The following BCAS3 variants were observed in gnomAD, a reference collection of about 807,000 sequenced individuals.
The protein encoded by BCAS3 is BCAS4/BCAS3 fusion.
BCAS3 carries 53 observed loss-of-function variants against 116.1 expected under a neutral mutation model. That is an observed-to-expected ratio of 0.46 (90% confidence interval 0.37 to 0.57). The LOEUF is 0.57. BCAS3 is among the 20% of genes least tolerant of loss of function. BCAS3 has a pLI of 0.00. For synonymous variants in BCAS3, 391 were observed against 408.2 expected, an observed-to-expected ratio of 0.96 and a Z score of 0.51; for missense variants, 917 against 1,165.4, an observed-to-expected ratio of 0.79 and a Z score of 3.10.
At chr17:61,269,737 G>T (rs1195080594) in intron 22 of BCAS3, among the ~76,000 whole-genome samples, 1 of 151,048 alleles carries the variant, frequency 6.6e-6, no homozygotes, top group Non-Finnish European at 1.5e-5. Flanking sequence ...CATACAACTT[G>T]TTGGCCATTT....
At chr17:60,779,944 A>G (rs375358464) in intron 6 of BCAS3, among the ~76,000 whole-genome samples, 18 of 152,198 alleles carry the variant, frequency 1.2e-4, no homozygotes, top group East Asian at 7.7e-4. Context: ...GTCTATTGCA[A>G]TATTTTTGGG....
At chr17:60,816,864 G>A (rs999845163) in intron 7 of BCAS3, among the ~76,000 whole-genome samples, 11 of 152,144 alleles carry the variant, frequency 7.2e-5, no homozygotes, top group East Asian at 1.9e-4. Context: ...ATGCCGGTTC[G>A]TTTCAGCAGT....
Position 61,378,897 on chromosome 17 carries a change from C to G in BCAS3, c.2593+10403C>G, listed in dbSNP as rs953578436. ...TGTAATGGGAGTTTGGGCTGAGACTCTCCTCTGCATATTTCTTAGTTGTCT... is the reference window on the plus strand; with the variant it reads ...TGTAATGGGAGTTTGGGCTGAGACTGTCCTCTGCATATTTCTTAGTTGTCT... On this transcript the variant is annotated intron_variant, in intron 23 of 23. Transcript: ENST00000407086. This position sits in a 1 kb window ranked among gnomAD's most constrained non-coding sequence, Gnocchi z 5.8. 3 of 152,260 alleles carry G rather than the reference C, an allele frequency of 2.0e-5. No homozygotes were observed. Among genetic ancestry groups the G allele is most frequent in the African/African-American group, 7.2e-5 (3 of 41,464 alleles). 9.4% of individuals were successfully genotyped at this position (152,260 alleles called of 1,614,324 possible).
At position 61,326,429 on chromosome 17, in the gene BCAS3, G is replaced by A. The variant is rs566302462; in HGVS notation, c.2426-41898G>A. ...ACTTTAGTTTTATCCTAAATGAGAA[G>A]CATGTTTTCAGCAGAGGGTGAGTTT... On this transcript the variant is annotated intron_variant, in intron 22 of 23. Coordinates refer to ENST00000407086, the MANE Select transcript of BCAS3 (RefSeq NM_017679.5). This position sits in a 1 kb window ranked among gnomAD's most constrained non-coding sequence, Gnocchi z 5.3. Among the ~76,000 whole-genome samples, 43 of 152,228 alleles carry A rather than the reference G, an allele frequency of 2.8e-4. No homozygotes were observed. Among genetic ancestry groups the A allele is most frequent in the African/African-American group, 1.0e-3 (42 of 41,448 alleles).
chr17:61,072,267 G>A (rs1171637377), intron 19 of BCAS3, among the ~76,000 whole-genome samples: 1 of 152,176 alleles, frequency 6.6e-6, no homozygotes, highest in Non-Finnish European at 1.5e-5. Context: ...TAATAGTATA[G>A]TGAGCCTCCA....
intron 5 of BCAS3, among the ~76,000 whole-genome samples, chr17:60,743,510 TA>T (rs80002683): frequency 0.044 from 6,177 of 139,628 alleles, 294 homozygotes; most frequent in African/African-American, 0.12. Context: ...TAAAGTTTGC[TA>T]AAAAAAAAAA....
At position 60,911,123 on chromosome 17, in the gene BCAS3, C is replaced by CTTTT. The variant is rs1162942971; in HGVS notation, c.993+435_993+438dup. ...AATAAATTTTTTTCTTTTTTTCTTT[C>CTTTT]TTTTTTTTTTTTTTTTTGAGATGGA... is the stretch of plus-strand genomic sequence containing the variant. On this transcript the variant is annotated intron_variant, in intron 12 of 23. Coordinates refer to ENST00000407086, the MANE Select transcript of BCAS3 (RefSeq NM_017679.5). Among the ~76,000 whole-genome samples the CTTTT allele has an allele frequency of 4.2e-4, 37 of 88,250 alleles. 4 individuals are homozygous for CTTTT. Among genetic ancestry groups the CTTTT allele is most frequent in the African/African-American group, 1.5e-3 (34 of 22,192 alleles). 57.9% of individuals were successfully genotyped at this position (88,250 alleles called of 152,430 possible). A position where few individuals can be genotyped will look rare whatever the true frequency, so the allele number is the denominator to read the frequency against.
At chr17:60,888,822 C>T (rs1178920599) in intron 9 of BCAS3, among the ~76,000 whole-genome samples, 2 of 149,290 alleles carry the variant, frequency 1.3e-5, no homozygotes, top group Non-Finnish European at 3.0e-5. Flanking sequence ...TCTGTCTCTT[C>T]TCTATAAGTT....
intron 22 of BCAS3, among the ~76,000 whole-genome samples, chr17:61,311,748 G>A (rs894875953): frequency 1.3e-5 from 2 of 152,072 alleles, no homozygotes; most frequent in African/African-American, 4.8e-5. Context: ...CAAAAAATTA[G>A]CTGGGCATGG....
chr17:60,771,563 T>A lies in BCAS3; in HGVS notation c.403+24284T>A, dbSNP rs559346405. On this transcript the variant is annotated intron_variant, in intron 6 of 23. Transcript: ENST00000407086. ...ATTAGTGACGGGTATCTTTTTTTTT[T>A]AATTATACTTTAAATTCTAGGGTAT... Among the ~76,000 whole-genome samples the A allele has an allele frequency of 1.8e-4, 27 of 152,228 alleles. No individual in the cohort carries two copies. In the South Asian group the frequency reaches 4.6e-3, roughly 26 times the overall value.
intron 13 of BCAS3, among the ~76,000 whole-genome samples, chr17:60,943,123 A>G (rs1177860292): frequency 6.6e-6 from 1 of 152,184 alleles, no homozygotes; most frequent in Non-Finnish European, 1.5e-5. Flanking sequence ...TGAAATTAGC[A>G]TTTCATAAAA....
chr17:61,087,300 A>G lies in BCAS3; in HGVS notation c.2425+2736A>G, dbSNP rs2073166811. 5.7e-6 allele frequency: 4 copies of G among 704,886 alleles called. No homozygotes were observed. Among genetic ancestry groups the G allele is most frequent in the Non-Finnish European group, 7.0e-6 (4 of 574,146 alleles). 43.7% of individuals were successfully genotyped at this position (704,886 alleles called of 1,614,324 possible). A position where few individuals can be genotyped will look rare whatever the true frequency, so the allele number is the denominator to read the frequency against. Reference sequence around the variant, plus strand: ...CCTGTATTACCTTCAAGCATTTTATATGACTTCATGGATTATCTTCTTAAT... The same window carrying G: ...CCTGTATTACCTTCAAGCATTTTATGTGACTTCATGGATTATCTTCTTAAT... On this transcript the variant is annotated intron_variant, in intron 22 of 23. Coordinates refer to ENST00000407086, the MANE Select transcript of BCAS3 (RefSeq NM_017679.5). The surrounding 1 kb of genome is among the most constrained non-coding windows in gnomAD (Gnocchi z 4.6).
chr17:60,816,742 TG>T (rs1381819104), intron 7 of BCAS3, among the ~76,000 whole-genome samples: 1 of 152,124 alleles, frequency 6.6e-6, no homozygotes, highest in Non-Finnish European at 1.5e-5. Context: ...ATACACAGTT[TG>T]GGGTGGTTTT....
At chr17:60,694,754 G>A (rs977165214) in intron 4 of BCAS3, among the ~76,000 whole-genome samples, 19 of 151,682 alleles carry the variant, frequency 1.3e-4, no homozygotes, top group African/African-American at 4.1e-4. Flanking sequence ...GGGATTGCAT[G>A]TGTGGGCAAC....
At chr17:60,793,764 CAT>C (rs144436783) in intron 6 of BCAS3, among the ~76,000 whole-genome samples, 15 of 149,982 alleles carry the variant, frequency 1.0e-4, no homozygotes, top group Admixed American at 1.3e-4. Flanking sequence ...AATATTCCAT[CAT>C]ATATATATAT....
Position 61,145,428 on chromosome 17 carries a change from C to T in BCAS3, c.2425+60864C>T, listed in dbSNP as rs185139324. Among the ~76,000 whole-genome samples, 1 of 152,160 alleles carries T rather than the reference C, an allele frequency of 6.6e-6. No homozygotes were observed. Among genetic ancestry groups the T allele is most frequent in the Non-Finnish European group, 1.5e-5 (1 of 68,014 alleles). On this transcript the variant is annotated intron_variant, in intron 22 of 23. Transcript: ENST00000407086. This position sits in a 1 kb window ranked among gnomAD's most constrained non-coding sequence, Gnocchi z 5.0. The stretch of plus-strand genomic sequence containing the variant: ...TTCCTGTTCTCTGCTGCAGGGGCTA[C>T]GGAGAGGGAGTGGGGGCTGGGGGAG...
In BCAS3 at chr17:61,172,801, C is replaced by T. The variant is rs542293315; in HGVS notation, c.2425+88237C>T. Among the ~76,000 whole-genome samples the T allele has an allele frequency of 3.8e-4, 58 of 151,428 alleles. No individual in the cohort carries two copies. In the East Asian group the frequency reaches 5.3e-3, roughly 14 times the overall value. On this transcript the variant is annotated intron_variant, in intron 22 of 23. Coordinates refer to ENST00000407086, the MANE Select transcript of BCAS3 (RefSeq NM_017679.5). Reference sequence around the variant, plus strand: ...GAGATCGAGACAATCCTGGCTAACACGGTGAAACCCATCTCTACTAAAAAT... The same window carrying T: ...GAGATCGAGACAATCCTGGCTAACATGGTGAAACCCATCTCTACTAAAAAT...
In BCAS3 at chr17:61,281,021, A is replaced by G. The variant is rs140129861; in HGVS notation, c.2426-87306A>G. 3.3e-5 allele frequency among the ~76,000 whole-genome samples: 5 copies of G among 152,342 alleles called. No individual in the cohort carries two copies. Among genetic ancestry groups the G allele is most frequent in the East Asian group, 1.9e-4 (1 of 5,192 alleles). On this transcript the variant is annotated intron_variant, in intron 22 of 23. Coordinates refer to ENST00000407086, the MANE Select transcript of BCAS3 (RefSeq NM_017679.5). This position sits in a 1 kb window ranked among gnomAD's most constrained non-coding sequence, Gnocchi z 4.2. ...AAAAGAGACCTACTCTTATCTCCCAATCCTTGCCCAGAGGAAACAATCACT... is the reference window on the plus strand; with the variant it reads ...AAAAGAGACCTACTCTTATCTCCCAGTCCTTGCCCAGAGGAAACAATCACT...
chr17:60,969,511 A>C (rs995633639), intron 14 of BCAS3, among the ~76,000 whole-genome samples: 3 of 152,188 alleles, frequency 2.0e-5, no homozygotes, highest in Non-Finnish European at 2.9e-5. Context: ...AAACCAAATG[A>C]GTGAAAAAAT....
Sources: gnomAD v4.1 joint callset for allele counts (sites outside exome capture counted in the v4.1 genomes callset) on GRCh38, gnomAD v4.1.1 for gene constraint, Gnocchi (gnomAD v3.1) non-coding constraint, MANE v1.5 for transcripts, NCBI Gene and HGNC (gene_info 2026-07-23, HGNC 2026-07-21) for gene names.